SEMA6D: variants seen among roughly 807,000 people sequenced by gnomAD.
The protein encoded by SEMA6D is semaphorin-6D.
SEMA6D carries 35 observed loss-of-function variants against 106.6 expected under a neutral mutation model. The ratio of observed to expected loss-of-function variants is 0.33; its 90% CI spans 0.25 to 0.44. SEMA6D has a LOEUF of 0.44. SEMA6D is among the 20% of genes least tolerant of loss of function. The probability of loss-of-function intolerance (pLI) is 1.00; values close to 1 mark genes in which losing one functional copy is unlikely to be tolerated. For missense variants in SEMA6D, 1,185 were observed against 1,345.9 expected (o/e 0.88, Z 1.87); for synonymous variants, 499 against 487.7 (o/e 1.02, Z -0.31).
intron 2 of SEMA6D, chr15:47,412,561 T>C (rs530422012): frequency 6.6e-6 from 1 of 152,480 alleles, no homozygotes; most frequent in African/African-American, 2.4e-5. Flanking sequence ...GTTGTTTAGG[T>C]ATATCTTTTT....
chr15:47,498,627 A>G (rs2043747517), intron 3 of SEMA6D, among the ~76,000 whole-genome samples: 1 of 152,182 alleles, frequency 6.6e-6, no homozygotes, highest in African/African-American at 2.4e-5. Flanking sequence ...GCAAATGCAT[A>G]TATTTTCACC....
At chr15:47,310,070 A>G (rs1452038137) in intron 1 of SEMA6D, among the ~76,000 whole-genome samples, 2 of 152,216 alleles carry the variant, frequency 1.3e-5, no homozygotes, top group African/African-American at 2.4e-5. Context: ...CTCACTATAA[A>G]TTCTAAATTT....
rs1226901327 is a variant in SEMA6D, at chr15:47,770,481, C to T, written c.1934-16C>T. 6.4e-7 allele frequency: 1 copy of T among 1,558,930 alleles called. No homozygotes were observed. Among genetic ancestry groups the T allele is most frequent in the Non-Finnish European group, 8.7e-7 (1 of 1,148,578 alleles). ...AAAAAGCACCTTATTCACATTGTCC[C>T]ATGTGTCTATTTCAGGTGTACGATG... On this transcript the variant is annotated splice_polypyrimidine_tract_variant and intron_variant, in intron 18 of 18. Transcript: ENST00000536845.
chr15:47,771,754 C>T lies in SEMA6D; in HGVS notation c.3191C>T (p.Ser1064Phe), dbSNP rs1339260324. 1 of 1,613,810 alleles carries T rather than the reference C, an allele frequency of 6.2e-7. No homozygotes were observed. The highest frequency in any genetic ancestry group is 1.7e-5 in the Admixed American group (1 of 60,026). ...PKPSFVPQTP[S>F]VRPLNKYTY Reference sequence around the variant, plus strand: ...CCTTCCTTTGTTCCTCAAACCCCATCTGTCAGACCACTGAACAAATACACA... The same window carrying T: ...CCTTCCTTTGTTCCTCAAACCCCATTTGTCAGACCACTGAACAAATACACA... The change falls in exon 19 of 19, where the codon TCT (serine) becomes TTT (phenylalanine). Residue 1064 changes from serine to phenylalanine, a missense_variant. Ser to Phe is a radical substitution (Grantham distance 155). Transcript: ENST00000536845.
Position 47,771,839 on chromosome 15 carries a change from A to G in SEMA6D, c.*54A>G. ...TTATCCTGTCCGTGTTGTTGAGAGGATGATGTTGTAAGGGTACCTTAAAAC... is the reference window on the plus strand; with the variant it reads ...TTATCCTGTCCGTGTTGTTGAGAGGGTGATGTTGTAAGGGTACCTTAAAAC... On this transcript the variant is annotated 3_prime_UTR_variant, in exon 19 of 19. Transcript: ENST00000536845. 6.6e-7 allele frequency: 1 copy of G among 1,521,074 alleles called. No homozygotes were observed. Among genetic ancestry groups the G allele is most frequent in the Non-Finnish European group, 9.0e-7 (1 of 1,116,990 alleles). The allele number at this position is 1,521,074 out of a possible 1,614,324, so 94.2% of individuals were successfully genotyped here.
At chr15:47,680,448 A>G (rs940238122) in intron 4 of SEMA6D, among the ~76,000 whole-genome samples, 9 of 152,212 alleles carry the variant, frequency 5.9e-5, no homozygotes, top group African/African-American at 2.2e-4. Context: ...ATTTATTATT[A>G]TACAAGAACA....
chr15:47,440,590 G>A (rs143649553), intron 2 of SEMA6D, among the ~76,000 whole-genome samples: 50 of 151,900 alleles, frequency 3.3e-4, no homozygotes, highest in African/African-American at 4.6e-4. Flanking sequence ...GAGATGGAAG[G>A]ACCACTTTTC....
chr15:47,431,707 A>G (rs1933395201), intron 2 of SEMA6D, among the ~76,000 whole-genome samples: 1 of 152,076 alleles, frequency 6.6e-6, no homozygotes, highest in African/African-American at 2.4e-5. Flanking sequence ...ACCCACAAAA[A>G]TGCTTCCTGT....
Position 47,284,463 on chromosome 15 carries a change from A to G in SEMA6D, c.-239+100045A>G, listed in dbSNP as rs565194849. 1.1e-4 allele frequency among the ~76,000 whole-genome samples: 17 copies of G among 152,318 alleles called. No individual in the cohort carries two copies. In the South Asian group the frequency reaches 3.3e-3, roughly 30 times the overall value. ...CTTTCTAGGTTTTTAAGTCCGTTGT[A>G]CTATGAGTCTATTAGTAAATGATTG... On this transcript the variant is annotated intron_variant, in intron 1 of 19. Transcript: ENST00000558014.
chr15:47,507,412 T>C (rs2141710699), intron 3 of SEMA6D, among the ~76,000 whole-genome samples: 1 of 139,626 alleles, frequency 7.2e-6, no homozygotes, highest in East Asian at 2.4e-4. Context: ...GACTGGCTTC[T>C]GGCCCCTACT....
chr15:47,338,653 G>A (rs1008105785), intron 1 of SEMA6D, among the ~76,000 whole-genome samples: 1 of 152,212 alleles, frequency 6.6e-6, no homozygotes, highest in Non-Finnish European at 1.5e-5. Context: ...ATTAATGACT[G>A]AATGAGGTTC....
chr15:47,587,051 A>T (rs2076354504), intron 3 of SEMA6D, among the ~76,000 whole-genome samples: 1 of 152,122 alleles, frequency 6.6e-6, no homozygotes, highest in Non-Finnish European at 1.5e-5. Flanking sequence ...TTATTGTAGT[A>T]TAGGAGCAGC....
intron 3 of SEMA6D, among the ~76,000 whole-genome samples, chr15:47,544,327 A>T (rs1176722862): frequency 1.3e-5 from 2 of 152,166 alleles, no homozygotes; most frequent in Non-Finnish European, 2.9e-5. Context: ...CTTTGGGTTA[A>T]CACTAATACT....
At chr15:47,226,476 G>A (rs2031674999) in intron 1 of SEMA6D, among the ~76,000 whole-genome samples, 1 of 152,086 alleles carries the variant, frequency 6.6e-6, no homozygotes, top group South Asian at 2.1e-4. Flanking sequence ...AGATGCCAGA[G>A]AGGTCACAGA....
rs529604427 is a variant in SEMA6D, at chr15:47,614,846, C to A, written c.-55+13950C>A. ...TACTTATTCCTTGGAGCCTCAGTGC[C>A]CTCATCTGGAAAATGGGGTTAATAA... On this transcript the variant is annotated intron_variant, in intron 4 of 19. Coordinates refer to the SEMA6D transcript ENST00000558014. 2.6e-5 allele frequency among the ~76,000 whole-genome samples: 4 copies of A among 152,274 alleles called. No homozygotes were observed. In the East Asian group the frequency reaches 7.7e-4, roughly 29 times the overall value.
At chr15:47,267,897 T>G (rs965447006) in intron 1 of SEMA6D, among the ~76,000 whole-genome samples, 14 of 152,160 alleles carry the variant, frequency 9.2e-5, no homozygotes, top group African/African-American at 3.1e-4. Flanking sequence ...TTGCTTTTTT[T>G]CTATTAAAGA....
intron 3 of SEMA6D, among the ~76,000 whole-genome samples, chr15:47,537,451 G>T (rs1354668631): frequency 1.3e-5 from 2 of 152,180 alleles, no homozygotes; most frequent in Non-Finnish European, 2.9e-5. Context: ...TGGCACTTAG[G>T]TTGAAGCATT....
intron 3 of SEMA6D, among the ~76,000 whole-genome samples, chr15:47,483,585 A>G (rs16959562): frequency 0.025 from 3,796 of 152,228 alleles, 141 homozygotes; most frequent in African/African-American, 0.077. Context: ...TATCAATTAC[A>G]GTACCAGGAT....
At chr15:47,203,438 T>C (rs1400788073) in intron 1 of SEMA6D, among the ~76,000 whole-genome samples, 1 of 152,176 alleles carries the variant, frequency 6.6e-6, no homozygotes, top group African/African-American at 2.4e-5. Context: ...TTTTCATCTG[T>C]TCTTCTGAGG....
Sources: allele counts gnomAD v4.1 joint callset (sites outside exome capture counted in the v4.1 genomes callset), GRCh38; gene constraint gnomAD v4.1.1; transcripts MANE v1.5; gene names NCBI Gene and HGNC (gene_info 2026-07-23, HGNC 2026-07-21).